PRDM16: variants seen among roughly 807,000 people sequenced by gnomAD.
PRDM16 encodes histone-lysine N-methyltransferase PRDM16.
PRDM16 carries 23 observed loss-of-function variants against 110.6 expected under a neutral mutation model. That is an observed-to-expected ratio of 0.21 (90% CI 0.15 to 0.29). The LOEUF (loss-of-function observed/expected upper bound fraction) is 0.29. Ranked by LOEUF, PRDM16 falls within the 10% of genes least tolerant of loss-of-function variation. PRDM16 has a pLI of 1.00. For synonymous variants in PRDM16, 799 were observed against 781.8 expected, an observed-to-expected ratio of 1.02 and a Z score of -0.37; for missense variants, 1,615 against 1,794.3, an observed-to-expected ratio of 0.90 and a Z score of 1.81.
At chr1:3,140,067 C>T (rs549008199) in intron 1 of PRDM16, among the ~76,000 whole-genome samples, 40 of 152,338 alleles carry the variant, frequency 2.6e-4, no homozygotes, top group Middle Eastern at 3.4e-3. Context: ...AAGTCACGAG[C>T]GAGACTGGCG....
At chr1:3,300,823 A>G (rs1444872727) in intron 3 of PRDM16, among the ~76,000 whole-genome samples, 4 of 152,200 alleles carry the variant, frequency 2.6e-5, no homozygotes, top group Non-Finnish European at 5.9e-5. Flanking sequence ...GTATGGAAAT[A>G]TCTTCCTTCA....
chr1:3,324,761 C>T (rs1232870128), intron 3 of PRDM16, among the ~76,000 whole-genome samples: 2 of 147,466 alleles, frequency 1.4e-5, no homozygotes, highest in Non-Finnish European at 3.0e-5. Context: ...CCGTCATCAC[C>T]CCCCTACCTG....
intron 3 of PRDM16, among the ~76,000 whole-genome samples, chr1:3,356,262 C>T (rs184903484): frequency 5.9e-5 from 9 of 152,146 alleles, no homozygotes; most frequent in Admixed American, 5.2e-4. Flanking sequence ...GTTCCAAAGC[C>T]CCCCCCAGCC....
Position 3,080,856 on chromosome 1 carries a change from A to C in PRDM16, c.37+11560A>C, listed in dbSNP as rs114036836. Among the ~76,000 whole-genome samples the C allele has an allele frequency of 0.021, 3,129 of 151,934 alleles. 102 individuals carry two copies. The highest frequency in any genetic ancestry group is 0.066 in the African/African-American group (2,750 of 41,426). On this transcript the variant is annotated intron_variant, in intron 1 of 16. Transcript: ENST00000270722. The surrounding 1 kb of genome is among the most constrained non-coding windows in gnomAD (Gnocchi z 5.2). ...GAGCCCCAGAGACTCGGCGTCTCCG[A>C]CCCTGAGCCCACATGAGTAGCAGAA...
intron 1 of PRDM16, among the ~76,000 whole-genome samples, chr1:3,071,366 G>A (rs553171550): frequency 6.6e-6 from 1 of 152,390 alleles, no homozygotes; most frequent in South Asian, 2.1e-4. Context: ...GCCGGGCCCA[G>A]CGGGAGCGCC....
At position 3,265,030 on chromosome 1, in the gene PRDM16, A is replaced by G. The variant is rs1339757342; in HGVS notation, c.438+20893A>G. Among the ~76,000 whole-genome samples, 1 of 151,650 alleles carries G rather than the reference A, an allele frequency of 6.6e-6. No homozygotes were observed. The highest frequency in any genetic ancestry group is 2.4e-5 in the African/African-American group (1 of 41,240). On this transcript the variant is annotated intron_variant, in intron 3 of 16. Transcript: ENST00000270722. The surrounding 1 kb of genome is among the most constrained non-coding windows in gnomAD (Gnocchi z 4.5). ...AGATTTCTGAGCACAGAGAAACCTG[A>G]GCTGAGCCACTGAGTCCCCCAGCCT...
chr1:3,298,657 T>C (rs551978302), intron 3 of PRDM16, among the ~76,000 whole-genome samples: 1 of 152,010 alleles, frequency 6.6e-6, no homozygotes, highest in South Asian at 2.1e-4. Context: ...CTCTCCTGCT[T>C]GTTCAGTGCC....
At chr1:3,274,156 T>A (rs1253655409) in intron 3 of PRDM16, among the ~76,000 whole-genome samples, 1 of 152,082 alleles carries the variant, frequency 6.6e-6, no homozygotes, top group Non-Finnish European at 1.5e-5. Flanking sequence ...AAAAAGTGTA[T>A]TTGGGATTTG....
Position 3,098,653 on chromosome 1 carries a change from C to G in PRDM16, c.37+29357C>G, listed in dbSNP as rs575569011. Among the ~76,000 whole-genome samples the G allele has an allele frequency of 3.3e-5, 5 of 152,338 alleles. No homozygotes were observed. In the East Asian group the frequency reaches 9.7e-4, roughly 29 times the overall value. On this transcript the variant is annotated intron_variant, in intron 1 of 16. Transcript: ENST00000270722. Reference sequence around the variant, plus strand: ...CACTGGACCCCCGCCTTCTAAAATGCCTCAGTTTCTCTGGGGGATAAAACT... The same window carrying G: ...CACTGGACCCCCGCCTTCTAAAATGGCTCAGTTTCTCTGGGGGATAAAACT...
At chr1:3,164,129 C>T (rs959933852) in intron 1 of PRDM16, among the ~76,000 whole-genome samples, 5 of 152,230 alleles carry the variant, frequency 3.3e-5, no homozygotes, top group Admixed American at 2.0e-4. Context: ...TTCCAGAGGC[C>T]GCCGCTTCAT....
At chr1:3,233,084 G>A (rs1331150765) in intron 2 of PRDM16, among the ~76,000 whole-genome samples, 1 of 152,220 alleles carries the variant, frequency 6.6e-6, no homozygotes, top group Non-Finnish European at 1.5e-5. Flanking sequence ...CATTGATCCT[G>A]TGATTTATTT....
rs1203829053 is a variant in PRDM16, at chr1:3,175,848, AATGGAGCTTCACGGCT to A, written c.38-10275_38-10260del. 6.6e-6 allele frequency among the ~76,000 whole-genome samples: 1 copy of A among 152,142 alleles called. No homozygotes were observed. Among genetic ancestry groups the A allele is most frequent in the Non-Finnish European group, 1.5e-5 (1 of 68,024 alleles). On this transcript the variant is annotated intron_variant, in intron 1 of 16. Coordinates refer to ENST00000270722, the MANE Select transcript of PRDM16 (RefSeq NM_022114.4). This position sits in a 1 kb window ranked among gnomAD's most constrained non-coding sequence, Gnocchi z 4.8. ...GGCAGAGAGGAGCCAGGGTTGTGTTAATGGAGCTTCACGGCTAGGGAAGGAAAGTCAGAAGTGGGAG... is the reference window on the plus strand; with the variant it reads ...GGCAGAGAGGAGCCAGGGTTGTGTTAAGGGAAGGAAAGTCAGAAGTGGGAG...
intron 3 of PRDM16, among the ~76,000 whole-genome samples, chr1:3,310,492 G>A (rs1641424575): frequency 1.3e-5 from 2 of 152,138 alleles, no homozygotes; most frequent in Admixed American, 6.5e-5. Flanking sequence ...AGGGGCCCTC[G>A]GAGCTGCTGA....
At chr1:3,139,191 C>T (rs1269397089) in intron 1 of PRDM16, among the ~76,000 whole-genome samples, 1 of 152,138 alleles carries the variant, frequency 6.6e-6, no homozygotes, top group Admixed American at 6.5e-5. Context: ...GAGAGGGGGA[C>T]CCACATTTTA....
At chr1:3,217,946 C>T (rs1639070185) in intron 2 of PRDM16, among the ~76,000 whole-genome samples, 1 of 152,246 alleles carries the variant, frequency 6.6e-6, no homozygotes, top group African/African-American at 2.4e-5. Context: ...GCCGGCCCTC[C>T]CTCCTCTGTC....
intron 2 of PRDM16, among the ~76,000 whole-genome samples, chr1:3,226,284 C>T (rs988689324): frequency 6.6e-6 from 1 of 152,232 alleles, no homozygotes; most frequent in Non-Finnish European, 1.5e-5. Context: ...CACCGAGGGG[C>T]ACACGGGGAC....
Position 3,396,311 on chromosome 1 carries a change from C to T in PRDM16, c.574-180C>T, listed in dbSNP as rs376895116. 3.7e-4 allele frequency: 250 copies of T among 677,692 alleles called. 2 individuals are homozygous for T. The highest frequency in any genetic ancestry group is 2.7e-3 in the South Asian group (179 of 66,478). 42.0% of individuals were successfully genotyped at this position (677,692 alleles called of 1,614,324 possible). A position where few individuals can be genotyped will look rare whatever the true frequency, so the allele number is the denominator to read the frequency against. ...CCCAATAAAGCAAATTAAAAGGGGA[C>T]GCAATTCCTTCTGCGCATACTCTGC... On this transcript the variant is annotated intron_variant, in intron 4 of 16. Coordinates refer to ENST00000270722, the MANE Select transcript of PRDM16 (RefSeq NM_022114.4).
At chr1:3,109,145 C>T (rs953663232) in intron 1 of PRDM16, among the ~76,000 whole-genome samples, 2 of 151,558 alleles carry the variant, frequency 1.3e-5, no homozygotes, top group African/African-American at 4.9e-5. Context: ...TTTTGAAAAA[C>T]AGGTGTGTCC....
At chr1:3,341,138 T>C (rs935736478) in intron 3 of PRDM16, among the ~76,000 whole-genome samples, 9 of 152,064 alleles carry the variant, frequency 5.9e-5, no homozygotes, top group African/African-American at 1.9e-4. Flanking sequence ...TGGGCTATGA[T>C]GGGTGAGCCA....
Sources: gnomAD v4.1 joint callset for allele counts (sites outside exome capture counted in the v4.1 genomes callset) on GRCh38, gnomAD v4.1.1 for gene constraint, Gnocchi (gnomAD v3.1) non-coding constraint, MANE v1.5 for transcripts, NCBI Gene and HGNC (gene_info 2026-07-23, HGNC 2026-07-21) for gene names.